Variants in ANK3 observed in about 807,000 individuals in gnomAD.
ANK3 encodes the protein ankyrin-3.
In ANK3, 57 loss-of-function variants were observed where a neutral mutation model predicts 370.9. The observed-to-expected ratio is 0.15, with a 90% CI of 0.12 to 0.19. The LOEUF is 0.19. Among genes scored for constraint, ANK3 ranks in the 10% least tolerant of loss-of-function variants. The pLI is 1.00. For synonymous variants in ANK3, 1,929 were observed against 1,946.3 expected, an observed-to-expected ratio of 0.99 and a Z score of 0.23; for missense variants, 4,439 against 5,302.1, an observed-to-expected ratio of 0.84 and a Z score of 5.06.
chr10:60,092,586 AC>A, intron 28 of ANK3, among the ~76,000 whole-genome samples: 1 of 152,280 alleles, frequency 6.6e-6, no homozygotes, highest in South Asian at 2.1e-4. Flanking sequence ...TGACTATAGA[AC>A]TATTTTCTTC....
At chr10:60,546,279 T>A (rs2076962473) in intron 2 of ANK3, among the ~76,000 whole-genome samples, 1 of 152,184 alleles carries the variant, frequency 6.6e-6, no homozygotes, top group Non-Finnish European at 1.5e-5. Context: ...CAAGTGATTC[T>A]CGTGCCTCAG....
intron 8 of ANK3, among the ~76,000 whole-genome samples, chr10:60,222,230 T>C (rs2097072351): frequency 6.6e-6 from 1 of 152,196 alleles, no homozygotes; most frequent in Non-Finnish European, 1.5e-5. Context: ...ATGATGCGAC[T>C]GCCTGGCTGC....
intron 2 of ANK3, among the ~76,000 whole-genome samples, chr10:60,407,934 A>T (rs1456983568): frequency 6.6e-6 from 1 of 152,202 alleles, no homozygotes; most frequent in Non-Finnish European, 1.5e-5. Flanking sequence ...CTCACACCTT[A>T]GCCTGCCCTG....
At chr10:60,112,242 G>A (rs2092767235) in intron 26 of ANK3, among the ~76,000 whole-genome samples, 1 of 151,608 alleles carries the variant, frequency 6.6e-6, no homozygotes, top group Admixed American at 6.6e-5. Flanking sequence ...CAAAGTGATG[G>A]TTTCAGGTCT....
intron 2 of ANK3, among the ~76,000 whole-genome samples, chr10:60,583,391 A>T (rs1203741812): frequency 2.6e-5 from 4 of 152,184 alleles, no homozygotes; most frequent in Admixed American, 1.3e-4. Context: ...ACATTGATCG[A>T]CGGTATAAAG....
chr10:60,681,705 T>C (rs1464434775), intron 1 of ANK3, among the ~76,000 whole-genome samples: 1 of 152,192 alleles, frequency 6.6e-6, no homozygotes, highest in Non-Finnish European at 1.5e-5. Context: ...AGAACTGTCT[T>C]GTACACTAGT....
At chr10:60,445,964 C>T (rs2064435117) in intron 2 of ANK3, among the ~76,000 whole-genome samples, 1 of 152,192 alleles carries the variant, frequency 6.6e-6, no homozygotes, top group Admixed American at 6.5e-5. Context: ...CATTTGTCAT[C>T]AACATTTTTC....
chr10:60,145,053 T>G (rs1454167733), intron 23 of ANK3, among the ~76,000 whole-genome samples: 4 of 152,234 alleles, frequency 2.6e-5, no homozygotes, highest in Non-Finnish European at 5.9e-5. Flanking sequence ...AACTGAAAGC[T>G]GTTTTCCCAT....
At chr10:60,724,787 G>T (rs2079917563) in intron 1 of ANK3, among the ~76,000 whole-genome samples, 1 of 152,044 alleles carries the variant, frequency 6.6e-6, no homozygotes, top group African/African-American at 2.4e-5. Context: ...ATTTCACTTG[G>T]AACATCCATT....
chr10:60,142,612 A>G (rs986730925), intron 23 of ANK3, among the ~76,000 whole-genome samples: 3 of 151,854 alleles, frequency 2.0e-5, no homozygotes, highest in African/African-American at 7.3e-5. Context: ...TTTCAATGAA[A>G]GTAAGTTTCC....
At chr10:60,113,918 A>T (rs10994206) in intron 26 of ANK3, among the ~76,000 whole-genome samples, 1 of 151,946 alleles carries the variant, frequency 6.6e-6, no homozygotes, top group Admixed American at 6.5e-5. Context: ...AAAAAACTTA[A>T]AAAGGAAATT....
chr10:60,696,341 C>T (rs929330676), intron 1 of ANK3, among the ~76,000 whole-genome samples: 1 of 149,130 alleles, frequency 6.7e-6, no homozygotes, highest in Non-Finnish European at 1.5e-5. Context: ...GAGCTGGTAC[C>T]ATTCCTTCTG....
Position 60,626,512 on chromosome 10 carries a change from G to C in ANK3, c.58-11288C>G, listed in dbSNP as rs193235120. 1.7e-3 allele frequency among the ~76,000 whole-genome samples: 266 copies of C among 152,202 alleles called. 1 individual carries two copies. The highest frequency in any genetic ancestry group is 6.2e-3 in the African/African-American group (259 of 41,538). On this transcript the variant is annotated intron_variant, in intron 1 of 43. Transcript: ENST00000373827. ...GTTTATGCCTATGTTCATAATTAAA[G>C]AAATAGCTAAATTTTCATTTAGGGA...
At chr10:60,211,925 A>C (rs7074339) in intron 9 of ANK3, among the ~76,000 whole-genome samples, 5,065 of 150,852 alleles carry the variant, frequency 0.034, 295 homozygotes, top group African/African-American at 0.12. Flanking sequence ...GAAAAAAAGG[A>C]AATCTGAGGA....
At chr10:60,198,156 C>A (rs528132718) in intron 14 of ANK3, among the ~76,000 whole-genome samples, 184 bp downstream of exon 14, 3 of 152,272 alleles carry the variant, frequency 2.0e-5, no homozygotes, top group East Asian at 1.9e-4. Flanking sequence ...AGGCAAAAAA[C>A]CCCCCACAAA....
Position 60,059,331 on chromosome 10 carries a change from C to T in ANK3, c.12686+9G>A, listed in dbSNP as rs767361767. 1 of 1,612,186 alleles carries T rather than the reference C, an allele frequency of 6.2e-7. No homozygotes were observed. ...TGTGTTCACTTTCCTTTTTTTGAAA[C>T]AGCCATACCTGTCATCCAGTCGATC... is the stretch of plus-strand genomic sequence containing the variant. On this transcript the variant is annotated intron_variant, in intron 41 of 43. Coordinates refer to ENST00000280772, the MANE Select transcript of ANK3 (RefSeq NM_020987.5).
Position 60,631,373 on chromosome 10 carries a change from C to CA in ANK3, c.58-16150dup, listed in dbSNP as rs199742048. Among the ~76,000 whole-genome samples, 120 of 150,234 alleles carry CA rather than the reference C, an allele frequency of 8.0e-4. 2 individuals are homozygous for CA. The East Asian group carries it at 0.019, about 24-fold the overall frequency. Reference sequence around the variant, plus strand: ...AAAACCCCATCTCTACTAAAAATACCAAAAAAAAATTATCTGGGCATGGAG... The same window carrying CA: ...AAAACCCCATCTCTACTAAAAATACCAAAAAAAAAATTATCTGGGCATGGAG... On this transcript the variant is annotated intron_variant, in intron 1 of 43. Coordinates refer to the ANK3 transcript ENST00000373827.
chr10:60,068,756 G>C lies in ANK3; in HGVS notation c.12125C>G (p.Ser4042Cys). 3.1e-6 allele frequency: 5 copies of C among 1,614,164 alleles called. No homozygotes were observed. Among genetic ancestry groups the C allele is most frequent in the Non-Finnish European group, 3.4e-6 (4 of 1,180,020 alleles). Reference sequence around the variant, plus strand: ...TGTAACCGAAGGCTGGCCACCCCGGGAAGTCTCGGACAACGACGTGTTTCT... The same window carrying C: ...TGTAACCGAAGGCTGGCCACCCCGGCAAGTCTCGGACAACGACGTGTTTCT... Reference protein sequence around the residue: ...TSRNTSLSETSRGGQPSVTTK... With the variant: ...TSRNTSLSETCRGGQPSVTTK... The change falls in exon 37 of 44, where the codon TCC (serine) becomes TGC (cysteine). Residue 4042 changes from serine to cysteine, a missense_variant. Physicochemically the swap from Ser to Cys is moderately radical, Grantham distance 112. This residue lies in a region of ANK3 where 496 missense variants were observed against 529.3 expected (regional missense o/e 0.94). Transcript: ENST00000280772.
At chr10:60,181,809 C>CA (rs951563394) in intron 17 of ANK3, among the ~76,000 whole-genome samples, 108 of 141,248 alleles carry the variant, frequency 7.6e-4, no homozygotes, top group African/African-American at 1.3e-3. Context: ...AAACCTGTCT[C>CA]AAAAAAAAAA....
Sources: gnomAD v4.1 joint callset for allele counts (sites outside exome capture counted in the v4.1 genomes callset) on GRCh38, gnomAD v4.1.1 for gene constraint, gnomAD v4.1.1 regional missense constraint, MANE v1.5 for transcripts, NCBI Gene and HGNC (gene_info 2026-07-23, HGNC 2026-07-21) for gene names.